PCDHA1: variants seen among roughly 807,000 people sequenced by gnomAD.
The protein encoded by PCDHA1 is protocadherin alpha 1.
PCDHA1 carries 42 observed loss-of-function variants against 61.3 expected under a neutral mutation model. That is an observed-to-expected ratio of 0.69 (90% CI 0.54 to 0.89). PCDHA1 has a LOEUF of 0.89. Among genes scored for constraint, PCDHA1 ranks in the 40% least tolerant of loss-of-function variants. PCDHA1 has a pLI of 0.00. For missense variants in PCDHA1, 1,256 were observed against 1,235.3 expected, an observed-to-expected ratio of 1.02 and a Z score of -0.25; for synonymous variants, 610 against 553.8, an observed-to-expected ratio of 1.10 and a Z score of -1.43.
At position 140,801,375 on chromosome 5, in the gene PCDHA1, G is replaced by C. The variant is rs781848330; in HGVS notation, c.2394+12691G>C. On this transcript the variant is annotated intron_variant, in intron 1 of 3. Transcript: ENST00000504120. ...CCTGGGGCTGGAGCTGGCGGAGCTG[G>C]TGCCGCGCCTGTTCCGGGTGGCGTC... 15 of 1,613,516 alleles carry C rather than the reference G, an allele frequency of 9.3e-6. No homozygotes were observed. In the South Asian group the frequency reaches 1.6e-4, roughly 18 times the overall value.
intron 1 of PCDHA1, among the ~76,000 whole-genome samples, chr5:140,970,591 T>G (rs1159349152): frequency 2.6e-5 from 4 of 152,150 alleles, no homozygotes; most frequent in African/African-American, 9.7e-5. Flanking sequence ...GAGATATGCT[T>G]TGTGATACTT....
In PCDHA1 at chr5:140,786,600, A is replaced by G. The variant is rs1177911981; in HGVS notation, c.310A>G (p.Ile104Val). 1 of 1,614,240 alleles carries G rather than the reference A, an allele frequency of 6.2e-7. No homozygotes were observed. Among genetic ancestry groups the G allele is most frequent in the Non-Finnish European group, 8.5e-7 (1 of 1,180,048 alleles). The change falls in exon 1 of 4, where the codon ATC becomes GTC. Residue 104 changes from isoleucine (I) to valine (V), a missense_variant. Ile to Val is a conservative substitution (Grantham distance 29). Transcript: ENST00000504120. ...GTGCCAGTGGAGCGCGGAGTGCAGC[A>G]TCCACCTGGAGTTGATCGCCGACAG... ...ELCQWSAECS[I>V]HLELIADRPL...
chr5:140,938,237 T>A (rs1287300526), intron 1 of PCDHA1, among the ~76,000 whole-genome samples: 1 of 152,208 alleles, frequency 6.6e-6, no homozygotes, highest in African/African-American at 2.4e-5. Context: ...TAGGCCACCA[T>A]GCCTGGTCTT....
chr5:140,948,468 CT>C (rs1173060430), intron 1 of PCDHA1, among the ~76,000 whole-genome samples: 1 of 151,468 alleles, frequency 6.6e-6, no homozygotes, highest in African/African-American at 2.4e-5. Flanking sequence ...GGGAAAGTTT[CT>C]GATAATAAAT....
At chr5:141,003,123 T>C (rs1387983867) in intron 3 of PCDHA1, among the ~76,000 whole-genome samples, 1 of 152,240 alleles carries the variant, frequency 6.6e-6, no homozygotes, top group Non-Finnish European at 1.5e-5. Flanking sequence ...GGCCCTTTCC[T>C]GGCATTTGCC....
chr5:140,878,938 A>G (rs1413471911), intron 1 of PCDHA1, among the ~76,000 whole-genome samples: 1 of 152,226 alleles, frequency 6.6e-6, no homozygotes, highest in African/African-American at 2.4e-5. Flanking sequence ...TTTTAAATAA[A>G]TATATGGTAT....
At chr5:140,810,533 T>C (rs1306597140) in intron 1 of PCDHA1, 1 of 152,270 alleles carries the variant, frequency 6.6e-6, no homozygotes, top group East Asian at 1.9e-4. Flanking sequence ...TGGGTGACTT[T>C]TGTAATCTCA....
At chr5:140,803,064 C>T in intron 1 of PCDHA1, 2 of 1,613,978 alleles carry the variant, frequency 1.2e-6, no homozygotes, top group Non-Finnish European at 1.7e-6. Context: ...CATCCCGTTT[C>T]GCGTGGGGCT....
intron 1 of PCDHA1, chr5:140,875,985 G>T: frequency 6.2e-7 from 1 of 1,613,950 alleles, no homozygotes; most frequent in South Asian, 1.1e-5. Context: ...TGACCTATGC[G>T]TTAAGTCTAA....
chr5:140,809,086 A>C (rs781838833), intron 1 of PCDHA1: 4 of 1,613,938 alleles, frequency 2.5e-6, no homozygotes, highest in Non-Finnish European at 2.5e-6. Context: ...AGATCAGCAC[A>C]ACGCGTGCCC....
At chr5:140,850,426 G>A (rs2150483795) in intron 1 of PCDHA1, 1 of 1,597,836 alleles carries the variant, frequency 6.3e-7, no homozygotes, top group Non-Finnish European at 8.6e-7. Flanking sequence ...GACGCACCGC[G>A]CCAGCGCCTA....
At chr5:140,822,357 T>C in intron 1 of PCDHA1, 1 of 1,614,132 alleles carries the variant, frequency 6.2e-7, no homozygotes, top group Non-Finnish European at 8.5e-7. Context: ...TAGAGCTGGT[T>C]TTGAGGAAAT....
intron 1 of PCDHA1, among the ~76,000 whole-genome samples, chr5:140,923,413 G>T (rs2081347795): frequency 6.6e-6 from 1 of 152,062 alleles, no homozygotes; most frequent in Non-Finnish European, 1.5e-5. Context: ...CTATAATCCT[G>T]GCTACTTGGG....
chr5:140,809,343 C>T, intron 1 of PCDHA1: 1 of 1,614,074 alleles, frequency 6.2e-7, no homozygotes, highest in South Asian at 1.1e-5. Flanking sequence ...CTGCTGTACA[C>T]CGCGCTGCGG....
At chr5:140,983,481 T>A (rs782574681) in intron 3 of PCDHA1, among the ~76,000 whole-genome samples, 2 of 152,226 alleles carry the variant, frequency 1.3e-5, no homozygotes, top group Non-Finnish European at 2.9e-5. Context: ...TAATAGTAGT[T>A]ACTAATTATT....
chr5:140,871,607 AT>A, intron 1 of PCDHA1: 1 of 1,438,710 alleles, frequency 7.0e-7, no homozygotes. Flanking sequence ...AGTGTTTTGA[AT>A]ATTGTTTTAG....
At chr5:140,822,972 C>T (rs149152981) in intron 1 of PCDHA1, 333 of 1,614,132 alleles carry the variant, frequency 2.1e-4, no homozygotes, top group Non-Finnish European at 2.6e-4. Context: ...TGGTGTCCAC[C>T]TTCAAGAATT....
chr5:140,877,350 G>A (rs376513441), intron 1 of PCDHA1: 2 of 1,613,896 alleles, frequency 1.2e-6, no homozygotes, highest in African/African-American at 1.3e-5. Flanking sequence ...ACGTGGGGCT[G>A]TACACTGGCG....
intron 1 of PCDHA1, chr5:140,849,576 G>T (rs2150441030): frequency 6.3e-7 from 1 of 1,598,698 alleles, no homozygotes; most frequent in East Asian, 2.2e-5. Context: ...TCCTGTAAAA[G>T]AGGACGCACA....
Sources: allele counts gnomAD v4.1 joint callset (sites outside exome capture counted in the v4.1 genomes callset), GRCh38; gene constraint gnomAD v4.1.1; transcripts MANE v1.5; gene names NCBI Gene and HGNC (gene_info 2026-07-23, HGNC 2026-07-21).